ATP10B: variants seen among roughly 807,000 people sequenced by gnomAD.
ATP10B encodes the protein phospholipid-transporting ATPase VB.
A neutral mutation model predicts 141.2 loss-of-function variants in ATP10B; 122 were observed. The ratio of observed to expected loss-of-function variants is 0.86; its 90% CI spans 0.75 to 1.00. The LOEUF (loss-of-function observed/expected upper bound fraction) is 1.00. ATP10B is among the 50% of genes least tolerant of loss of function. The pLI, the probability that ATP10B is intolerant of heterozygous loss-of-function variation, is 0.00. For synonymous variants in ATP10B, 685 were observed against 692.0 expected (o/e 0.99, Z 0.16); for missense variants, 1,876 against 1,825.3 (o/e 1.03, Z -0.51).
the ATP10B span, among the ~76,000 whole-genome samples, chr5:160,865,375 A>G: frequency 6.6e-6 from 1 of 152,144 alleles, no homozygotes; most frequent in Non-Finnish European, 1.5e-5. Flanking sequence ...AGCCACATGT[A>G]AAAGAATAAA....
chr5:160,792,620 G>A (rs1165525543), intron 1 of ATP10B, among the ~76,000 whole-genome samples: 1 of 152,112 alleles, frequency 6.6e-6, no homozygotes, highest in Non-Finnish European at 1.5e-5. Context: ...CACATGTCAA[G>A]GATGGCAGAG....
intron 16 of ATP10B, among the ~76,000 whole-genome samples, chr5:160,616,733 G>A (rs189244853): frequency 6.6e-6 from 1 of 152,312 alleles, no homozygotes; most frequent in Non-Finnish European, 1.5e-5. Flanking sequence ...CCCTCTGCAT[G>A]GCACTATAGA....
intron 25 of ATP10B, among the ~76,000 whole-genome samples, chr5:160,566,582 T>C (rs915085273): frequency 2.0e-5 from 3 of 147,398 alleles, no homozygotes; most frequent in African/African-American, 7.3e-5. Context: ...GACTCAAGGA[T>C]TTTATCCCCC....
chr5:160,877,841 C>A, the ATP10B span, among the ~76,000 whole-genome samples: 1 of 135,310 alleles, frequency 7.4e-6, no homozygotes, highest in East Asian at 2.6e-4. Context: ...ACATGAAGGA[C>A]CTCTTCAGTA....
intron 23 of ATP10B, among the ~76,000 whole-genome samples, chr5:160,590,485 A>C (rs954963900): frequency 2.0e-4 from 31 of 152,154 alleles, no homozygotes; most frequent in African/African-American, 7.5e-4. Flanking sequence ...ATTGTTTGCT[A>C]CCTAAATTCT....
intron 1 of ATP10B, among the ~76,000 whole-genome samples, chr5:160,814,943 T>A (rs1015238727): frequency 6.6e-6 from 1 of 152,120 alleles, no homozygotes; most frequent in African/African-American, 2.4e-5. Flanking sequence ...GCTGAGAGAT[T>A]TTGTCACCGC....
chr5:160,863,581 A>G, the ATP10B span, among the ~76,000 whole-genome samples: 2 of 152,008 alleles, frequency 1.3e-5, no homozygotes, highest in African/African-American at 4.8e-5. Context: ...CCAAATCCAA[A>G]CTCAGCAGAA....
At chr5:160,850,532 T>TA (rs1177995517) in intron 1 of ATP10B, among the ~76,000 whole-genome samples, 1 of 152,214 alleles carries the variant, frequency 6.6e-6, no homozygotes, top group Non-Finnish European at 1.5e-5. Flanking sequence ...CTCTAGGTCC[T>TA]AGTTTTATCA....
At position 160,567,147 on chromosome 5, in the gene ATP10B, C is replaced by G. The variant is rs898650467; in HGVS notation, c.3939-1247G>C. Among the ~76,000 whole-genome samples, 5 of 152,280 alleles carry G rather than the reference C, an allele frequency of 3.3e-5. No homozygotes were observed. The East Asian group carries it at 7.8e-4, about 24-fold the overall frequency. ...TTCCTCAAGCCACTGCCTTCCTCCT[C>G]TATTCATTTATTCAACAAATGCTTT... On this transcript the variant is annotated intron_variant, in intron 25 of 25. Transcript: ENST00000327245.
At chr5:160,819,470 A>G (rs73303802) in intron 1 of ATP10B, among the ~76,000 whole-genome samples, 10,079 of 152,254 alleles carry the variant, frequency 0.066, 426 homozygotes, top group South Asian at 0.23. Flanking sequence ...AATGAACAAT[A>G]AGAAATCATC....
chr5:160,615,813 A>C (rs756663109), intron 17 of ATP10B, 25 bp downstream of exon 17: 3 of 1,602,730 alleles, frequency 1.9e-6, no homozygotes, highest in Non-Finnish European at 2.6e-6. Context: ...CTTTTTTCCT[A>C]TAATAATGAC....
chr5:160,685,211 C>T (rs539342888), intron 6 of ATP10B: 56 of 600,198 alleles, frequency 9.3e-5, no homozygotes, highest in Middle Eastern at 5.2e-4. Flanking sequence ...TTCCTCCCTT[C>T]CTTTTTCATC....
the ATP10B span, among the ~76,000 whole-genome samples, chr5:160,919,223 C>CAAAAA: frequency 0.011 from 291 of 26,946 alleles, 47 homozygotes; most frequent in African/African-American, 0.054. Flanking sequence ...AACTCCGTCT[C>CAAAAA]AAAAAAAAAA....
chr5:160,905,105 C>T, the ATP10B span, among the ~76,000 whole-genome samples: 2 of 152,178 alleles, frequency 1.3e-5, no homozygotes, highest in Admixed American at 1.3e-4. Flanking sequence ...AACAACTCTG[C>T]TATTTACATA....
At chr5:160,920,093 T>A in the ATP10B span, among the ~76,000 whole-genome samples, 1 of 152,142 alleles carries the variant, frequency 6.6e-6, no homozygotes, top group Non-Finnish European at 1.5e-5. Flanking sequence ...AAGGTGGCAG[T>A]GAGAGGGGCT....
At chr5:160,629,303 A>G (rs1200974834) in intron 13 of ATP10B, among the ~76,000 whole-genome samples, 1 of 151,990 alleles carries the variant, frequency 6.6e-6, no homozygotes, top group Non-Finnish European at 1.5e-5. Flanking sequence ...CACCAGCTAG[A>G]TGTATTTGAT....
upstream of ATP10B, among the ~76,000 whole-genome samples, chr5:160,855,256 G>A (rs1753966574): frequency 6.6e-6 from 1 of 152,062 alleles, no homozygotes; most frequent in South Asian, 2.1e-4. Context: ...CCAGAAATGT[G>A]TGAGGGCCCT....
chr5:160,736,603 T>C (rs749050802), intron 2 of ATP10B, among the ~76,000 whole-genome samples: 8 of 152,098 alleles, frequency 5.3e-5, no homozygotes, highest in Non-Finnish European at 1.0e-4. Flanking sequence ...CTACTAAAAA[T>C]ACAAAAATTA....
At chr5:160,570,883 A>G (rs116437393) in intron 24 of ATP10B, among the ~76,000 whole-genome samples, 2,792 of 152,256 alleles carry the variant, frequency 0.018, 87 homozygotes, top group African/African-American at 0.064. Flanking sequence ...TTTTCCTTCA[A>G]TGTGTTTAAT....
Sources: gnomAD v4.1 joint callset for allele counts (sites outside exome capture counted in the v4.1 genomes callset) on GRCh38, gnomAD v4.1.1 for gene constraint, MANE v1.5 for transcripts, NCBI Gene and HGNC (gene_info 2026-07-23, HGNC 2026-07-21) for gene names.